Variants in GPC5 observed in about 807,000 individuals in gnomAD.
The protein encoded by GPC5 is glypican 5.
GPC5 carries 47 observed loss-of-function variants against 53.9 expected under a neutral mutation model. The ratio of observed to expected loss-of-function variants is 0.87; its 90% CI spans 0.69 to 1.11. The LOEUF (loss-of-function observed/expected upper bound fraction) is 1.11, where lower values mean the gene tolerates loss of function less well. Ranked by LOEUF, GPC5 falls within the 50% of genes most tolerant of loss-of-function variation. The pLI is 0.00. For missense variants in GPC5, 748 were observed against 713.1 expected, an observed-to-expected ratio of 1.05 and a Z score of -0.56; for synonymous variants, 286 against 263.3, an observed-to-expected ratio of 1.09 and a Z score of -0.84.
chr13:92,528,791 T>C (rs942238002), intron 7 of GPC5, among the ~76,000 whole-genome samples: 3 of 151,986 alleles, frequency 2.0e-5, no homozygotes, highest in African/African-American at 2.4e-5. Flanking sequence ...GCTTTAAATA[T>C]GTCATTAAAA....
chr13:92,548,198 G>C (rs1413988055), intron 7 of GPC5, among the ~76,000 whole-genome samples: 5 of 151,782 alleles, frequency 3.3e-5, no homozygotes, highest in Non-Finnish European at 1.5e-5. Flanking sequence ...AAACTTCTAT[G>C]TTCAGGCAAA....
chr13:92,711,874 A>C (rs1264331904), intron 7 of GPC5, among the ~76,000 whole-genome samples: 5 of 152,006 alleles, frequency 3.3e-5, no homozygotes, highest in Non-Finnish European at 7.4e-5. Flanking sequence ...ATTACATTGA[A>C]CTTAATGAAG....
At chr13:91,698,478 C>T (rs1249825970) in intron 3 of GPC5, among the ~76,000 whole-genome samples, 1 of 151,942 alleles carries the variant, frequency 6.6e-6, no homozygotes, top group Non-Finnish European at 1.5e-5. Context: ...TAAACTATAC[C>T]TTCAATAAAA....
chr13:92,623,848 C>T (rs1224532052), intron 7 of GPC5, among the ~76,000 whole-genome samples: 3 of 149,758 alleles, frequency 2.0e-5, no homozygotes, highest in Admixed American at 1.3e-4. Flanking sequence ...CTGATAGTGT[C>T]TATTTATTTA....
chr13:91,729,650 C>T (rs2036651992), intron 4 of GPC5, among the ~76,000 whole-genome samples: 1 of 152,084 alleles, frequency 6.6e-6, no homozygotes. Flanking sequence ...TTTTCTACAG[C>T]TAAAAAGAAT....
chr13:92,220,921 A>G (rs1273821240), intron 7 of GPC5, among the ~76,000 whole-genome samples: 1 of 152,156 alleles, frequency 6.6e-6, no homozygotes, highest in Non-Finnish European at 1.5e-5. Context: ...CTTTAATGTC[A>G]CTGTTCATAA....
At chr13:92,714,933 G>A (rs1436582553) in intron 7 of GPC5, among the ~76,000 whole-genome samples, 1 of 152,132 alleles carries the variant, frequency 6.6e-6, no homozygotes, top group Non-Finnish European at 1.5e-5. Flanking sequence ...AGGCATGGTG[G>A]TGGGTGCCTG....
rs564510058 is a variant in GPC5, at chr13:91,510,601, T to A, written c.325+61679T>A. On this transcript the variant is annotated intron_variant, in intron 2 of 7. Coordinates refer to ENST00000377067, the MANE Select transcript of GPC5 (RefSeq NM_004466.6). ...CTGAATACAATATCTGCCCATATTT[T>A]AATTTGTCTTTGGGAAAAAATTTCT... 4.6e-5 allele frequency among the ~76,000 whole-genome samples: 7 copies of A among 152,360 alleles called. No individual in the cohort carries two copies. In the East Asian group the frequency reaches 1.3e-3, roughly 29 times the overall value.
At chr13:92,227,195 A>G (rs911357099) in intron 7 of GPC5, among the ~76,000 whole-genome samples, 2 of 152,144 alleles carry the variant, frequency 1.3e-5, no homozygotes, top group African/African-American at 2.4e-5. Context: ...GTGAAAGTAA[A>G]TCTACCACTT....
At chr13:91,436,822 A>G (rs144575911) in intron 1 of GPC5, among the ~76,000 whole-genome samples, 6,570 of 152,196 alleles carry the variant, frequency 0.043, 184 homozygotes, top group South Asian at 0.13. Flanking sequence ...GTGAGAGTCT[A>G]AGTCTCTTTC....
chr13:91,830,568 G>A (rs2038639382), intron 5 of GPC5, among the ~76,000 whole-genome samples: 1 of 151,760 alleles, frequency 6.6e-6, no homozygotes, highest in East Asian at 1.9e-4. Context: ...AGTAAAGACA[G>A]GCATAGGAAA....
At chr13:92,207,998 T>A (rs762787501) in intron 7 of GPC5, among the ~76,000 whole-genome samples, 4 of 152,210 alleles carry the variant, frequency 2.6e-5, no homozygotes, top group Non-Finnish European at 5.9e-5. Flanking sequence ...AATAGCCATG[T>A]GTAGCCTCTG....
At chr13:91,509,430 A>G (rs930209612) in intron 2 of GPC5, among the ~76,000 whole-genome samples, 2 of 44,486 alleles carry the variant, frequency 4.5e-5, no homozygotes, top group African/African-American at 7.3e-5. Context: ...TAAGGATCAA[A>G]TAGTGAGATA....
intron 5 of GPC5, among the ~76,000 whole-genome samples, chr13:91,812,997 C>T (rs1267556874): frequency 6.6e-6 from 1 of 152,152 alleles, no homozygotes; most frequent in Non-Finnish European, 1.5e-5. Context: ...GTTAAAAATG[C>T]ATTTTCTGCA....
chr13:91,991,205 A>G (rs2040453234), intron 6 of GPC5, among the ~76,000 whole-genome samples: 1 of 152,192 alleles, frequency 6.6e-6, no homozygotes, highest in Non-Finnish European at 1.5e-5. Flanking sequence ...AATTTCACTT[A>G]CCACCTTTCA....
intron 5 of GPC5, among the ~76,000 whole-genome samples, chr13:91,891,621 A>C (rs1038090020): frequency 1.3e-5 from 2 of 152,162 alleles, no homozygotes; most frequent in African/African-American, 2.4e-5. Flanking sequence ...TGTTGTGCCA[A>C]ATTGCTATAC....
intron 7 of GPC5, among the ~76,000 whole-genome samples, chr13:92,427,604 G>A (rs1876893149): frequency 6.6e-6 from 1 of 151,830 alleles, no homozygotes; most frequent in African/African-American, 2.4e-5. Context: ...GTATTTTTAG[G>A]GCTGGTAAAG....
chr13:92,753,819 A>C (rs553424178), intron 7 of GPC5, among the ~76,000 whole-genome samples: 2 of 152,320 alleles, frequency 1.3e-5, no homozygotes, highest in Admixed American at 1.3e-4. Context: ...TCCAAGAAAT[A>C]TGGGACTATG....
chr13:92,527,426 C>CT (rs1304910917), intron 7 of GPC5, among the ~76,000 whole-genome samples: 1 of 152,038 alleles, frequency 6.6e-6, no homozygotes, highest in African/African-American at 2.4e-5. Context: ...ATAGCCAAAA[C>CT]TGTCAATCAT....
Sources: allele counts gnomAD v4.1 joint callset (sites outside exome capture counted in the v4.1 genomes callset), GRCh38; gene constraint gnomAD v4.1.1; transcripts MANE v1.5; gene names NCBI Gene and HGNC (gene_info 2026-07-23, HGNC 2026-07-21).